The following PREX1 variants were observed in gnomAD, a reference collection of about 807,000 sequenced individuals.
PREX1 encodes phosphatidylinositol 3,4,5-trisphosphate-dependent Rac exchanger 1 protein.
A neutral mutation model predicts 198.3 loss-of-function variants in PREX1; 41 were observed. The observed-to-expected ratio is 0.21, with a 90% CI of 0.16 to 0.27. The LOEUF is 0.27. Ranked by LOEUF, PREX1 falls within the 10% of genes least tolerant of loss-of-function variation. The pLI is 1.00. For synonymous variants in PREX1, 843 were observed against 887.2 expected, an observed-to-expected ratio of 0.95 and a Z score of 0.89; for missense variants, 1,620 against 2,200.7, an observed-to-expected ratio of 0.74 and a Z score of 5.28.
chr20:48,810,585 TAAAA>T (rs760906489), intron 1 of PREX1, among the ~76,000 whole-genome samples: 2 of 77,564 alleles, frequency 2.6e-5, no homozygotes, highest in African/African-American at 5.0e-5. Flanking sequence ...TCACCTCAAT[TAAAA>T]AAAAAAAAAA....
the PREX1 span, among the ~76,000 whole-genome samples, chr20:48,864,110 C>G: frequency 6.6e-6 from 1 of 152,114 alleles, no homozygotes; most frequent in African/African-American, 2.4e-5. Flanking sequence ...TTGGAAAAAG[C>G]AATGACACAT....
At chr20:48,836,016 G>GAT in the PREX1 span, among the ~76,000 whole-genome samples, 1 of 152,202 alleles carries the variant, frequency 6.6e-6, no homozygotes, top group Non-Finnish European at 1.5e-5. Flanking sequence ...GTGAAATAGA[G>GAT]TGAAATAGAG....
chr20:48,629,282 G>T (rs531703640), intron 37 of PREX1, among the ~76,000 whole-genome samples, 167 bp downstream of exon 37: 1 of 152,204 alleles, frequency 6.6e-6, no homozygotes, highest in Admixed American at 6.5e-5. Context: ...CTGCCATTCC[G>T]TTTCACAGAC....
chr20:48,727,910 T>C (rs1336032929), intron 4 of PREX1, among the ~76,000 whole-genome samples: 1 of 152,194 alleles, frequency 6.6e-6, no homozygotes, highest in East Asian at 1.9e-4. Context: ...CCATTTTTGT[T>C]TGGCAGGAAC....
At chr20:48,631,144 C>T (rs765436725) in intron 35 of PREX1, among the ~76,000 whole-genome samples, 25 of 152,304 alleles carry the variant, frequency 1.6e-4, no homozygotes, top group Non-Finnish European at 2.5e-4. Context: ...GTTTACTGTT[C>T]GTCTCCCCCT....
the PREX1 span, among the ~76,000 whole-genome samples, chr20:48,872,211 G>A: frequency 2.6e-5 from 4 of 151,548 alleles, no homozygotes; most frequent in African/African-American, 9.7e-5. Flanking sequence ...TCTCCTCCGT[G>A]ACATACCTTC....
chr20:48,743,468 C>G (rs1467953052), intron 3 of PREX1, among the ~76,000 whole-genome samples: 1 of 152,232 alleles, frequency 6.6e-6, no homozygotes, highest in African/African-American at 2.4e-5. Context: ...GCTACTCCCC[C>G]TCACAGCAGC....
intron 39 of PREX1, 83 bp downstream of exon 39, chr20:48,627,454 GCATTAGGGGTT>G: frequency 7.4e-7 from 1 of 1,360,320 alleles, no homozygotes; most frequent in Non-Finnish European, 1.0e-6. Context: ...CCCCATCTGA[GCATTAGGGGTT>G]AGGCCAGGAG....
At chr20:48,761,393 T>C (rs2090179187) in intron 1 of PREX1, among the ~76,000 whole-genome samples, 1 of 152,182 alleles carries the variant, frequency 6.6e-6, no homozygotes, top group South Asian at 2.1e-4. Flanking sequence ...GAGCCTAGGA[T>C]TGGACCCAGC....
rs2089489508 is a variant in PREX1, at chr20:48,650,818, T to C, written c.2817+76A>G. ...CTGAGTTGGGTTGGGCTTTGTAATT[T>C]ACAACCCAAATATCCCAGGCTGAGA... On this transcript the variant is annotated intron_variant, in intron 23 of 39. Coordinates refer to ENST00000371941, the MANE Select transcript of PREX1 (RefSeq NM_020820.4). 3 of 1,547,908 alleles carry C rather than the reference T, an allele frequency of 1.9e-6. No individual in the cohort carries two copies. The African/African-American group carries it at 4.1e-5, about 21-fold the overall frequency.
intron 1 of PREX1, among the ~76,000 whole-genome samples, chr20:48,791,475 A>G (rs959695880): frequency 6.6e-5 from 10 of 152,296 alleles, no homozygotes; most frequent in Admixed American, 2.0e-4. Flanking sequence ...AAAGTCAAGG[A>G]CTACAGAATA....
chr20:48,815,300 T>C (rs987543774), intron 1 of PREX1, among the ~76,000 whole-genome samples: 1 of 152,208 alleles, frequency 6.6e-6, no homozygotes, highest in African/African-American at 2.4e-5. Context: ...ATGACATTTG[T>C]AGAACACTGC....
the PREX1 span, among the ~76,000 whole-genome samples, chr20:48,861,863 G>C: frequency 1.3e-5 from 2 of 152,184 alleles, no homozygotes; most frequent in African/African-American, 4.8e-5. Context: ...AGGCCTGCTT[G>C]CGGGGCTTCC....
chr20:48,690,661 T>C (rs1416743205), intron 9 of PREX1, among the ~76,000 whole-genome samples: 1 of 152,180 alleles, frequency 6.6e-6, no homozygotes. Context: ...CACAGGGCTA[T>C]GCGCAGGAAA....
intron 1 of PREX1, among the ~76,000 whole-genome samples, chr20:48,763,345 G>C (rs1337381980): frequency 2.0e-5 from 3 of 152,224 alleles, no homozygotes; most frequent in African/African-American, 7.2e-5. Flanking sequence ...TGGTGGCTGG[G>C]AACAGGCCCT....
intron 5 of PREX1, among the ~76,000 whole-genome samples, chr20:48,717,928 T>C (rs1568837561): frequency 6.6e-6 from 1 of 152,192 alleles, no homozygotes; most frequent in Non-Finnish European, 1.5e-5. Flanking sequence ...CCAAGCTAAA[T>C]GTTATCGCCA....
At chr20:48,879,002 AG>A in the PREX1 span, among the ~76,000 whole-genome samples, 1 of 152,374 alleles carries the variant, frequency 6.6e-6, no homozygotes, top group East Asian at 1.9e-4. Context: ...GCGGTGAAGC[AG>A]GAAGAGGAAA....
At chr20:48,875,707 A>G in the PREX1 span, among the ~76,000 whole-genome samples, 1 of 152,298 alleles carries the variant, frequency 6.6e-6, no homozygotes, top group South Asian at 2.1e-4. Flanking sequence ...GAGAAGTCTG[A>G]CGTGTTTCAG....
intron 1 of PREX1, among the ~76,000 whole-genome samples, chr20:48,755,652 T>C (rs1389919098): frequency 1.3e-5 from 2 of 152,164 alleles, no homozygotes; most frequent in Non-Finnish European, 2.9e-5. Flanking sequence ...CAGCATTCAG[T>C]AGGCACTTAT....
Sources: gnomAD v4.1 joint callset for allele counts (sites outside exome capture counted in the v4.1 genomes callset) on GRCh38, gnomAD v4.1.1 for gene constraint, MANE v1.5 for transcripts, NCBI Gene and HGNC (gene_info 2026-07-23, HGNC 2026-07-21) for gene names.